The following CD276 variants were observed in gnomAD, a reference collection of about 807,000 sequenced individuals.
CD276 encodes the protein CD276 antigen.
Under a neutral mutation model 50.0 loss-of-function variants are expected in CD276, and 34 were observed. That is an observed-to-expected ratio of 0.68 (90% CI 0.52 to 0.91). The LOEUF (loss-of-function observed/expected upper bound fraction) is 0.91. CD276 is among the 40% of genes least tolerant of loss of function. The probability of loss-of-function intolerance (pLI) is 0.00; values close to 1 mark genes in which losing one functional copy is unlikely to be tolerated. For synonymous variants in CD276, 275 were observed against 313.0 expected, an observed-to-expected ratio of 0.88 and a Z score of 1.28; for missense variants, 634 against 717.5, an observed-to-expected ratio of 0.88 and a Z score of 1.33.
rs749759061 is a variant in CD276 at position 73,712,964 on chromosome 15, G to A, written c.*8G>A. On this transcript the variant is annotated 3_prime_UTR_variant, in exon 10 of 10. Transcript: ENST00000318443. Reference sequence around the variant, plus strand: ...GGACAAGAAATAGCCTGACCATGAGGACCAGGGAGCTGCTACCCCTCCCTA... The same window carrying A: ...GGACAAGAAATAGCCTGACCATGAGAACCAGGGAGCTGCTACCCCTCCCTA... 6.2e-7 allele frequency: 1 copy of A among 1,613,706 alleles called. No individual in the cohort carries two copies. The highest frequency in any genetic ancestry group is 2.2e-5 in the East Asian group (1 of 44,858).
intron 7 of CD276, 77 bp downstream of exon 7, chr15:73,708,550 T>TA: frequency 6.7e-7 from 1 of 1,492,364 alleles, no homozygotes; most frequent in African/African-American, 1.4e-5. Flanking sequence ...TTGATGTCAA[T>TA]AGAGTGTCAC....
rs911123798 is a variant in CD276, at chr15:73,703,774, C to A, written c.849C>A (p.Leu283=). The change falls in exon 5 of 10, where the codon CTC becomes CTA. Residue 283 remains leucine (L), a synonymous_variant. Coordinates refer to ENST00000318443, the MANE Select transcript of CD276 (RefSeq NM_001024736.2). ...EPGFSLAQLN[L]IWQLTDTKQL... ...GCTTCAGCCTGGCACAGCTCAACCT[C>A]ATCTGGCAGCTGACAGACACCAAAC... 6.2e-7 allele frequency: 1 copy of A among 1,613,704 alleles called. No individual in the cohort carries two copies.
At chr15:73,702,654 C>T in intron 3 of CD276, 61 bp downstream of exon 3, 2 of 1,559,044 alleles carry the variant, frequency 1.3e-6, no homozygotes, top group African/African-American at 1.4e-5. Flanking sequence ...CTGCAGCCCA[C>T]CCCCTGCTGC....
intron 1 of CD276, among the ~76,000 whole-genome samples, chr15:73,696,351 G>A (rs1297184111): frequency 6.6e-6 from 1 of 152,178 alleles, no homozygotes; most frequent in East Asian, 1.9e-4. Context: ...GACCAGCTCT[G>A]TGTTCACAGG....
At chr15:73,703,608 TAG>T in intron 4 of CD276, 49 bp from the exon 5 acceptor site, 2 of 1,426,592 alleles carry the variant, frequency 1.4e-6, no homozygotes, top group East Asian at 2.4e-5. Flanking sequence ...GGTGGTAGCC[TAG>T]AGAGTCCCAT....
rs774818147 is a variant in CD276 at position 73,703,644 on chromosome 15, T to C, written c.734-15T>C. On this transcript the variant is annotated splice_polypyrimidine_tract_variant and intron_variant, in intron 4 of 9. Coordinates refer to ENST00000318443, the MANE Select transcript of CD276 (RefSeq NM_001024736.2). ...ATTTCTCCTCACCACCCTGCCCCTC[T>C]GACCCCGCCCCCAGGAGCCGTGGAG... is the stretch of plus-strand genomic sequence containing the variant. 4.4e-6 allele frequency: 7 copies of C among 1,594,654 alleles called. No homozygotes were observed. In the South Asian group the frequency reaches 7.9e-5, roughly 18 times the overall value.
At chr15:73,689,481 G>A (rs1899905793) in intron 1 of CD276, among the ~76,000 whole-genome samples, 1 of 152,112 alleles carries the variant, frequency 6.6e-6, no homozygotes. Flanking sequence ...GAAAAAGGAA[G>A]GCAAACAGGG....
chr15:73,708,330 T>C lies in CD276; in HGVS notation c.1370-9T>C, dbSNP rs1450017761. 3 of 1,613,458 alleles carry C rather than the reference T, an allele frequency of 1.9e-6. No individual in the cohort carries two copies. In the South Asian group the frequency reaches 3.3e-5, roughly 18 times the overall value. On this transcript the variant is annotated splice_polypyrimidine_tract_variant and intron_variant, in intron 6 of 9. Transcript: ENST00000318443. ...ATGACAGTCTCACTGTTGCTACTTT[T>C]CCTCTCAGGGCAGCCTATGACATTC...
rs1436605528 is a variant in CD276 at position 73,712,937 on chromosome 15, A to G, written c.1586A>G (p.Asp529Gly). ...TTCTTCCCATCATGAAATGAAGATG[A>G]TGGACAAGAAATAGCCTGACCATGA... ...PLKHSDSKED[D>G]GQEIA Residue 529 changes from aspartate (D) to glycine (G), a missense_variant, in exon 10 of 10, where the codon GAT becomes GGT. Asp to Gly is a moderately conservative substitution (Grantham distance 94). Coordinates refer to ENST00000318443, the MANE Select transcript of CD276 (RefSeq NM_001024736.2). 2 of 1,613,648 alleles carry G rather than the reference A, an allele frequency of 1.2e-6. No individual in the cohort carries two copies. The highest frequency in any genetic ancestry group is 3.3e-5 in the Admixed American group (2 of 59,974).
intron 1 of CD276, 100 bp from the exon 2 acceptor site, chr15:73,699,486 G>T: frequency 6.9e-7 from 1 of 1,456,390 alleles, no homozygotes; most frequent in African/African-American, 1.4e-5. Context: ...CTCCCAGTGG[G>T]CAGTTGCAGC....
At chr15:73,702,229 A>G (rs751343139) in intron 2 of CD276, 26 bp from the exon 3 acceptor site, 2 of 1,558,068 alleles carry the variant, frequency 1.3e-6, no homozygotes, top group Non-Finnish European at 8.7e-7. Context: ...TCCCCCTTAT[A>G]TGTTCTCCAC....
chr15:73,695,809 G>A (rs778356764), intron 1 of CD276, among the ~76,000 whole-genome samples: 1 of 152,246 alleles, frequency 6.6e-6, no homozygotes, highest in Non-Finnish European at 1.5e-5. Context: ...GTGTCTTTCT[G>A]ACCCTTTTTG....
intron 1 of CD276, among the ~76,000 whole-genome samples, chr15:73,695,681 A>C (rs777825587): frequency 6.6e-6 from 1 of 152,244 alleles, no homozygotes; most frequent in Non-Finnish European, 1.5e-5. Context: ...ATAGAAACTT[A>C]GTTCAAACTG....
At chr15:73,694,578 T>A (rs1241204764) in intron 1 of CD276, among the ~76,000 whole-genome samples, 1 of 152,188 alleles carries the variant, frequency 6.6e-6, no homozygotes, top group Non-Finnish European at 1.5e-5. Flanking sequence ...GATACTACAG[T>A]CCCTCAGGGT....
intron 9 of CD276, 47 bp from the exon 10 acceptor site, chr15:73,712,887 C>G: frequency 6.2e-7 from 1 of 1,600,010 alleles, no homozygotes; most frequent in African/African-American, 1.3e-5. Flanking sequence ...CTTCTGGCAT[C>G]TAATGCTTTT....
intron 1 of CD276, among the ~76,000 whole-genome samples, chr15:73,696,128 C>T (rs1179476321): frequency 3.3e-5 from 5 of 152,294 alleles, no homozygotes; most frequent in Admixed American, 6.5e-5. Context: ...CTGTGAAAGC[C>T]GAAGGTGCTC....
At chr15:73,700,565 G>A (rs890353147) in intron 2 of CD276, among the ~76,000 whole-genome samples, 2 of 152,174 alleles carry the variant, frequency 1.3e-5, no homozygotes, top group Non-Finnish European at 2.9e-5. Context: ...GGGCACCCTG[G>A]TTCGACTGAC....
intron 9 of CD276, chr15:73,711,797 G>A (rs1156642552): frequency 2.0e-5 from 3 of 152,774 alleles, no homozygotes; most frequent in South Asian, 4.1e-4. Context: ...CAGGAGATAG[G>A]TCATTTCCTT....
chr15:73,709,577 G>A (rs976553112), intron 7 of CD276, 71 bp from the exon 8 acceptor site: 24 of 1,491,638 alleles, frequency 1.6e-5, no homozygotes, highest in Non-Finnish European at 2.1e-5. Context: ...TGCACTCTCA[G>A]GTGGGAAAGT....
Sources: allele counts gnomAD v4.1 joint callset (sites outside exome capture counted in the v4.1 genomes callset), GRCh38; gene constraint gnomAD v4.1.1; transcripts MANE v1.5; gene names NCBI Gene and HGNC (gene_info 2026-07-23, HGNC 2026-07-21).